Variants in PCMT1 observed in about 807,000 individuals in gnomAD.
The protein encoded by PCMT1 is protein-L-isoaspartate (D-aspartate) O-methyltransferase.
In PCMT1, 9 loss-of-function variants were observed where a neutral mutation model predicts 29.2. The observed-to-expected ratio is 0.31, with a 90% CI of 0.19 to 0.54. The LOEUF is 0.54. PCMT1 is among the 20% of genes least tolerant of loss of function. PCMT1 has a pLI of 0.95. For synonymous variants in PCMT1, 98 were observed against 97.5 expected, an observed-to-expected ratio of 1.00 and a Z score of -0.03; for missense variants, 184 against 282.2, an observed-to-expected ratio of 0.65 and a Z score of 2.49.
intron 5 of PCMT1, chr6:149,794,738 G>C: frequency 2.2e-6 from 1 of 456,784 alleles, no homozygotes. Context: ...CCCTGATCCT[G>C]TGTGGACACT....
intron 3 of PCMT1, among the ~76,000 whole-genome samples, chr6:149,777,814 CTCTTTCTTTTCT>C (rs1257112654): frequency 1.3e-5 from 2 of 150,930 alleles, no homozygotes; most frequent in South Asian, 2.1e-4. Flanking sequence ...TTTGTCCTTT[CTCTTTCTTTTCT>C]TCTTTCTTTT....
chr6:149,755,938 T>C (rs1471849247), intron 1 of PCMT1, among the ~76,000 whole-genome samples: 2 of 152,126 alleles, frequency 1.3e-5, no homozygotes, highest in Non-Finnish European at 2.9e-5. Context: ...TAGACACATA[T>C]CACGCAGGTA....
intron 1 of PCMT1, among the ~76,000 whole-genome samples, chr6:149,752,636 T>C (rs1786368804): frequency 6.6e-6 from 1 of 152,244 alleles, no homozygotes; most frequent in African/African-American, 2.4e-5. Context: ...GCTCAATATG[T>C]TGTAAATATT....
In PCMT1 at chr6:149,793,657, G is replaced by A; in HGVS notation, c.406G>A (p.Val136Ile). 1.3e-6 allele frequency: 2 copies of A among 1,542,404 alleles called. No homozygotes were observed. Among genetic ancestry groups the A allele is most frequent in the Non-Finnish European group, 8.6e-7 (1 of 1,158,006 alleles). The change falls in exon 5 of 8, where the codon GTA becomes ATA. Residue 136 changes from valine to isoleucine, a missense_variant. Coordinates refer to ENST00000464889, the MANE Select transcript of PCMT1 (RefSeq NM_001360452.2). ...DDPTLLSSGR[V>I]QLVVGDGRMG... ...TCCAACACTTCTGTCTTCAGGGAGA[G>A]TACAGCTTGTTGGTAAGTATCAGAA...
At chr6:149,770,578 C>G (rs1215385521) in intron 1 of PCMT1, among the ~76,000 whole-genome samples, 1 of 151,856 alleles carries the variant, frequency 6.6e-6, no homozygotes, top group Non-Finnish European at 1.5e-5. Context: ...TGGTGGCATG[C>G]ACCTGTAGTC....
At chr6:149,762,867 ATATC>A (rs1459677985) in intron 1 of PCMT1, among the ~76,000 whole-genome samples, 5 of 56,304 alleles carry the variant, frequency 8.9e-5, no homozygotes, top group Non-Finnish European at 1.2e-4. Context: ...TATGATATAT[ATATC>A]TATGATATAT....
intron 1 of PCMT1, among the ~76,000 whole-genome samples, chr6:149,762,393 C>G (rs1189535200): frequency 6.6e-6 from 1 of 151,138 alleles, no homozygotes; most frequent in Non-Finnish European, 1.5e-5. Context: ...TTCAGAAAAG[C>G]CTAATGGTAA....
chr6:149,760,210 T>C (rs1786679829), intron 1 of PCMT1, among the ~76,000 whole-genome samples: 1 of 152,134 alleles, frequency 6.6e-6, no homozygotes, highest in South Asian at 2.1e-4. Context: ...TTTCCAGGCC[T>C]TTTTAGAGTC....
At chr6:149,761,962 T>C (rs1158721262) in intron 1 of PCMT1, among the ~76,000 whole-genome samples, 2 of 152,202 alleles carry the variant, frequency 1.3e-5, no homozygotes, top group East Asian at 3.8e-4. Flanking sequence ...TTGTTTCCTA[T>C]ATTACAGACC....
chr6:149,805,396 A>G (rs371826191), intron 7 of PCMT1, among the ~76,000 whole-genome samples: 8 of 151,154 alleles, frequency 5.3e-5, no homozygotes, highest in Non-Finnish European at 7.4e-5. Context: ...GATCGAGACC[A>G]TCCTGGGTAA....
At chr6:149,783,686 A>G (rs575172478) in intron 3 of PCMT1, among the ~76,000 whole-genome samples, 1 of 152,170 alleles carries the variant, frequency 6.6e-6, no homozygotes, top group South Asian at 2.1e-4. Flanking sequence ...GGACAACTGG[A>G]CAGGACTCTT....
chr6:149,755,079 A>C (rs1354556567), intron 1 of PCMT1, among the ~76,000 whole-genome samples: 1 of 143,276 alleles, frequency 7.0e-6, no homozygotes, highest in Non-Finnish European at 1.5e-5. Context: ...TTTTTACTTT[A>C]CTGGATGTAA....
intron 1 of PCMT1, among the ~76,000 whole-genome samples, chr6:149,760,287 A>G (rs1452472464): frequency 6.6e-6 from 1 of 152,118 alleles, no homozygotes; most frequent in Admixed American, 6.6e-5. Flanking sequence ...TTGCCTCTTC[A>G]TATGCCTTGT....
chr6:149,780,789 T>TATTCTAA (rs1199463758), intron 3 of PCMT1, among the ~76,000 whole-genome samples: 8 of 152,362 alleles, frequency 5.3e-5, no homozygotes, highest in Admixed American at 5.2e-4. Context: ...AGTGTTTGGC[T>TATTCTAA]ATTCTAAATA....
chr6:149,774,422 G>T (rs1227543280), intron 3 of PCMT1, among the ~76,000 whole-genome samples: 5 of 148,530 alleles, frequency 3.4e-5, no homozygotes, highest in Admixed American at 2.0e-4. Context: ...TGTATTTTTA[G>T]TAGAGACGGG....
intron 1 of PCMT1, among the ~76,000 whole-genome samples, chr6:149,758,571 T>C (rs1301401872): frequency 6.6e-6 from 1 of 152,040 alleles, no homozygotes; most frequent in Non-Finnish European, 1.5e-5. Context: ...GGAGTGTATG[T>C]GTTTTAGTAG....
At chr6:149,796,318 AATCT>A in intron 5 of PCMT1, 93 bp from the exon 6 acceptor site, 1 of 660,264 alleles carries the variant, frequency 1.5e-6, no homozygotes, top group Non-Finnish European at 2.6e-6. Context: ...TTTATTGAAA[AATCT>A]ATCCTTTCTC....
rs925813549 is a variant in PCMT1 at position 149,810,796 on chromosome 6, C to T, written c.*218C>T. 3.9e-6 allele frequency: 2 copies of T among 506,600 alleles called. No individual in the cohort carries two copies. The highest frequency in any genetic ancestry group is 6.9e-6 in the Non-Finnish European group (2 of 290,088). 31.4% of individuals were successfully genotyped at this position (506,600 alleles called of 1,614,324 possible). On this transcript the variant is annotated 3_prime_UTR_variant, in exon 8 of 8. Transcript: ENST00000464889. ...GGGTTTCTGATTCTTCAAAGAGGCA[C>T]AGAGCCAAATTGGTAGAGGAAGGAT...
intron 3 of PCMT1, among the ~76,000 whole-genome samples, chr6:149,774,192 C>CT (rs1476733171): frequency 6.6e-6 from 1 of 151,430 alleles, no homozygotes; most frequent in African/African-American, 2.4e-5. Context: ...TGAATGAGTA[C>CT]TTTTGTTTTA....
Sources: gnomAD v4.1 joint callset for allele counts (sites outside exome capture counted in the v4.1 genomes callset) on GRCh38, gnomAD v4.1.1 for gene constraint, MANE v1.5 for transcripts, NCBI Gene and HGNC (gene_info 2026-07-23, HGNC 2026-07-21) for gene names.